The following TLN1 variants were observed in gnomAD, a reference collection of about 807,000 sequenced individuals.
The protein encoded by TLN1 is talin 1.
In TLN1, 56 loss-of-function variants were observed where a neutral mutation model predicts 292.3. That is an observed-to-expected ratio of 0.19 (90% confidence interval 0.15 to 0.24). The LOEUF (loss-of-function observed/expected upper bound fraction) is 0.24, where lower values mean the gene tolerates loss of function less well. TLN1 is among the 10% of genes least tolerant of loss of function. The pLI is 1.00. For missense variants in TLN1, 2,433 were observed against 3,248.2 expected (o/e 0.75, Z 6.10); for synonymous variants, 1,119 against 1,253.7 (o/e 0.89, Z 2.27).
rs536012141 is a variant in TLN1 at position 35,717,976 on chromosome 9, C to T, written c.1996-190G>A. Among the ~76,000 whole-genome samples, 16 of 152,284 alleles carry T rather than the reference C, an allele frequency of 1.1e-4. No homozygotes were observed. Among genetic ancestry groups the T allele is most frequent in the African/African-American group, 3.6e-4 (15 of 41,554 alleles). On this transcript the variant is annotated intron_variant, in intron 17 of 56. Coordinates refer to ENST00000314888, the MANE Select transcript of TLN1 (RefSeq NM_006289.4). The surrounding 1 kb of genome is among the most constrained non-coding windows in gnomAD (Gnocchi z 4.7). ...GACAGAACCCCCACCGAGGAACAAA[C>T]CCACACCAAGAGAAAATACAGCCTA...
chr9:35,699,214 C>G lies in TLN1; in HGVS notation c.6875-58G>C. The stretch of plus-strand genomic sequence containing the variant: ...GGCAGAGTGGGGAGGTCAAAAGCAC[C>G]AGGGAGCATGGTTAGTATCATCAGG... On this transcript the variant is annotated intron_variant, in intron 51 of 56. Coordinates refer to ENST00000314888, the MANE Select transcript of TLN1 (RefSeq NM_006289.4). The surrounding 1 kb of genome is among the most constrained non-coding windows in gnomAD (Gnocchi z 4.0). 1.3e-6 allele frequency: 2 copies of G among 1,577,480 alleles called. No homozygotes were observed. Among genetic ancestry groups the G allele is most frequent in the Non-Finnish European group, 1.7e-6 (2 of 1,160,074 alleles).
intron 10 of TLN1, 132 bp from the exon 11 acceptor site, chr9:35,721,045 C>A (rs1321142290): frequency 1.1e-5 from 7 of 628,454 alleles, no homozygotes; most frequent in Admixed American, 1.1e-4. Context: ...AAGATGCCCA[C>A]CTTTCTTGAA....
intron 43 of TLN1, 132 bp downstream of exon 43, chr9:35,705,419 C>G (rs1563939763): frequency 3.2e-6 from 3 of 927,908 alleles, no homozygotes; most frequent in Non-Finnish European, 4.9e-6. Context: ...CCTCACTAGT[C>G]TTCAGCAGAG....
In TLN1 at chr9:35,707,140, G is replaced by T; in HGVS notation, c.4887C>A (p.Ser1629Arg). ...GGGAGTGGCCGGCCAGCACCGACCA[G>T]CTCGGGGGGTCCCGGGGATTGACTG... ...ALAVNPRDPPSWSVLAGHSRT... is the reference protein window; with the variant it reads ...ALAVNPRDPPRWSVLAGHSRT... Residue 1629 changes from serine to arginine, a missense_variant, in exon 37 of 57, where the codon AGC (serine) becomes AGA (arginine). Around this residue, in one of 7 missense-constraint regions of TLN1, gnomAD observed 1,384 missense variants for 1,699.6 expected, o/e 0.81. Coordinates refer to ENST00000314888, the MANE Select transcript of TLN1 (RefSeq NM_006289.4). The surrounding 1 kb of genome is among the most constrained non-coding windows in gnomAD (Gnocchi z 5.6). 1 of 1,610,972 alleles carries T rather than the reference G, an allele frequency of 6.2e-7. No individual in the cohort carries two copies. Among genetic ancestry groups the T allele is most frequent in the South Asian group, 1.1e-5 (1 of 90,926 alleles).
intron 8 of TLN1, 138 bp downstream of exon 8, chr9:35,722,723 A>G: frequency 1.3e-6 from 1 of 770,846 alleles, no homozygotes; most frequent in Non-Finnish European, 2.3e-6. Context: ...TTCTTGGCAG[A>G]GGTGAGGTGG....
chr9:35,728,065 C>T (rs554609540), intron 1 of TLN1, among the ~76,000 whole-genome samples: 24 of 152,280 alleles, frequency 1.6e-4, no homozygotes, highest in African/African-American at 5.8e-4. Context: ...CTCCCCACTG[C>T]CGTGTCCCCC....
rs746644738 is a variant in TLN1 at position 35,704,126 on chromosome 9, G to C, written c.6096C>G (p.Val2032=). 7 of 1,612,570 alleles carry C rather than the reference G, an allele frequency of 4.3e-6. No homozygotes were observed. In the East Asian group the frequency reaches 1.1e-4, roughly 26 times the overall value. The change falls in exon 46 of 57, where the codon GTC becomes GTG. Residue 2032 remains valine, a synonymous_variant. Coordinates refer to ENST00000314888, the MANE Select transcript of TLN1 (RefSeq NM_006289.4). The surrounding 1 kb of genome is among the most constrained non-coding windows in gnomAD (Gnocchi z 6.9). ...GGCTCCCAGCTGCGTTTTGCACCAG[G>C]ACCTTGGTGTCCTCCACCAGCACCT... ...TAKVLVEDTK[V]LVQNAAGSQE...
Position 35,708,409 on chromosome 9 carries a change from C to A in TLN1, c.4402G>T (p.Ala1468Ser). Residue 1468 changes from alanine to serine, a missense_variant, in exon 34 of 57, where the codon GCC becomes TCC. Coordinates refer to ENST00000314888, the MANE Select transcript of TLN1 (RefSeq NM_006289.4). ...ATCTGAATTGCCTGGTTTGCACGGG[C>A]AAACTGTGTGGGCTCCACTAGCCCT... ...QQGLVEPTQF[A>S]RANQAIQMAC... The A allele has an allele frequency of 6.2e-7, 1 of 1,611,482 alleles. No homozygotes were observed. Among genetic ancestry groups the A allele is most frequent in the Middle Eastern group, 1.7e-4 (1 of 6,046 alleles).
At chr9:35,701,245 C>T (rs2131881162) in intron 48 of TLN1, among the ~76,000 whole-genome samples, 1 of 152,264 alleles carries the variant, frequency 6.6e-6, no homozygotes, top group South Asian at 2.1e-4. Context: ...GAGAAGCAAG[C>T]AGAGCCATCA....
chr9:35,720,970 T>C, intron 10 of TLN1, 57 bp from the exon 11 acceptor site: 2 of 1,408,380 alleles, frequency 1.4e-6, no homozygotes, highest in Admixed American at 3.4e-5. Context: ...AGGATGGAAA[T>C]GGCTAGGATG....
chr9:35,725,217 T>C lies in TLN1; in HGVS notation c.228+7A>G. ...GATGTGGTGGTCCTTGATGAAAGGA[T>C]ACTTACCCCATTTCGGAGCATGTAG... On this transcript the variant is annotated splice_region_variant and intron_variant, in intron 3 of 56. Transcript: ENST00000314888. 6.2e-7 allele frequency: 1 copy of C among 1,614,024 alleles called. No homozygotes were observed. Among genetic ancestry groups the C allele is most frequent in the Non-Finnish European group, 8.5e-7 (1 of 1,179,904 alleles).
At chr9:35,713,416 G>A in intron 25 of TLN1, 118 bp from the exon 26 acceptor site, 1 of 751,414 alleles carries the variant, frequency 1.3e-6, no homozygotes, top group Non-Finnish European at 2.1e-6. Context: ...GGGTGCGATG[G>A]CTCCCACCTA....
At chr9:35,730,565 TG>T (rs1252074016) in intron 1 of TLN1, among the ~76,000 whole-genome samples, 2 of 151,528 alleles carry the variant, frequency 1.3e-5, no homozygotes, top group Non-Finnish European at 2.9e-5. Context: ...TGGGTGAAAA[TG>T]GTAGGAGAGT....
chr9:35,708,056 A>T, intron 34 of TLN1, 164 bp from the exon 35 acceptor site: 1 of 834,076 alleles, frequency 1.2e-6, no homozygotes, highest in Non-Finnish European at 1.8e-6. Flanking sequence ...AGAGATACCC[A>T]AAGATGAACT....
chr9:35,720,370 C>G, intron 12 of TLN1, 63 bp downstream of exon 12: 1 of 1,590,544 alleles, frequency 6.3e-7, no homozygotes, highest in East Asian at 2.2e-5. Context: ...CCCAAGAGTC[C>G]TTAGAGTCAG....
chr9:35,700,086 C>T lies in TLN1; in HGVS notation c.6661-5G>A. ...TTCTGGGTGGTAAGCTGCTTCCTGT[C>T]CCCAGAGTAATATGTTAGCTTTAGG... On this transcript the variant is annotated splice_region_variant and splice_polypyrimidine_tract_variant and intron_variant, in intron 49 of 56. Transcript: ENST00000314888. The T allele has an allele frequency of 6.2e-7, 1 of 1,608,622 alleles. No individual in the cohort carries two copies.
At chr9:35,703,253 C>T (rs1289179560) in intron 48 of TLN1, among the ~76,000 whole-genome samples, 4 of 152,082 alleles carry the variant, frequency 2.6e-5, no homozygotes, top group South Asian at 4.1e-4. Flanking sequence ...GCTGAGATCA[C>T]GCCACTGCAC....
At chr9:35,718,717 G>A in intron 17 of TLN1, 95 bp downstream of exon 17, 1 of 1,038,926 alleles carries the variant, frequency 9.6e-7, no homozygotes, top group African/African-American at 1.6e-5. Flanking sequence ...GGTTTTTAGG[G>A]GTCAATTCAC....
In TLN1 at chr9:35,722,849, A is replaced by C; in HGVS notation, c.843+12T>G. 1 of 1,613,488 alleles carries C rather than the reference A, an allele frequency of 6.2e-7. No homozygotes were observed. The highest frequency in any genetic ancestry group is 8.5e-7 in the Non-Finnish European group (1 of 1,179,542). On this transcript the variant is annotated intron_variant, in intron 8 of 56. Coordinates refer to ENST00000314888, the MANE Select transcript of TLN1 (RefSeq NM_006289.4). ...GCGGTCATCCCAAATACTTTCCCCT[A>C]CCCACATTCACCTGGAAGATCTTAC...
Sources: allele counts gnomAD v4.1 joint callset (sites outside exome capture counted in the v4.1 genomes callset), GRCh38; gene constraint gnomAD v4.1.1; regional missense constraint gnomAD v4.1.1; non-coding constraint Gnocchi (gnomAD v3.1); transcripts MANE v1.5; gene names NCBI Gene and HGNC (gene_info 2026-07-23, HGNC 2026-07-21).